The following ATP6V1E1 variants were observed in gnomAD, a reference collection of about 807,000 sequenced individuals.
ATP6V1E1 encodes ATPase H+ transporting V1 subunit E1, also known as V-type proton ATPase subunit E 1.
ATP6V1E1 carries 21 observed loss-of-function variants against 35.2 expected under a neutral mutation model. The observed-to-expected ratio is 0.60, with a 90% CI of 0.42 to 0.86. ATP6V1E1 has a LOEUF of 0.86. ATP6V1E1 is among the 40% of genes least tolerant of loss of function. The probability of loss-of-function intolerance (pLI) is 0.00; values close to 1 mark genes in which losing one functional copy is unlikely to be tolerated. For missense variants in ATP6V1E1, 183 were observed against 272.6 expected, an observed-to-expected ratio of 0.67 and a Z score of 2.32; for synonymous variants, 83 against 87.8, an observed-to-expected ratio of 0.95 and a Z score of 0.30.
intron 4 of ATP6V1E1, among the ~76,000 whole-genome samples, chr22:17,609,042 G>A (rs2146305341): frequency 6.6e-6 from 1 of 152,000 alleles, no homozygotes; most frequent in East Asian, 1.9e-4. Flanking sequence ...AGCTGATATC[G>A]CGCCACTGCC....
At chr22:17,618,010 A>G (rs2057855401) in intron 2 of ATP6V1E1, among the ~76,000 whole-genome samples, 1 of 151,978 alleles carries the variant, frequency 6.6e-6, no homozygotes. Flanking sequence ...GGGTTTCACC[A>G]TGTTGGCCAG....
intron 1 of ATP6V1E1, among the ~76,000 whole-genome samples, chr22:17,625,659 A>G (rs772598184): frequency 3.0e-4 from 46 of 152,006 alleles, no homozygotes; most frequent in Non-Finnish European, 4.3e-4. Context: ...AGTACTTCAG[A>G]AAAAAAAGGA....
At chr22:17,611,827 C>T (rs2057817059) in intron 4 of ATP6V1E1, among the ~76,000 whole-genome samples, 1 of 152,190 alleles carries the variant, frequency 6.6e-6, no homozygotes, top group African/African-American at 2.4e-5. Flanking sequence ...TTAATAAGAA[C>T]TGACAACTTG....
chr22:17,613,899 A>G (rs5746443), intron 2 of ATP6V1E1, among the ~76,000 whole-genome samples: 63,606 of 152,064 alleles, frequency 0.42, 15,137 homozygotes, highest in African/African-American at 0.65. Context: ...CCCGGGAGGC[A>G]GAGCTTGCAG....
intron 2 of ATP6V1E1, chr22:17,619,137 C>T (rs762510894): frequency 3.2e-5 from 14 of 443,522 alleles, no homozygotes; most frequent in Non-Finnish European, 4.8e-5. Context: ...ACTAAAAATA[C>T]AAATATTAGC....
Position 17,594,588 on chromosome 22 carries a change from C to A in ATP6V1E1, c.559G>T (p.Asp187Tyr). 1 of 1,594,114 alleles carries A rather than the reference C, an allele frequency of 6.3e-7. No homozygotes were observed. Among genetic ancestry groups the A allele is most frequent in the Non-Finnish European group, 8.5e-7 (1 of 1,170,902 alleles). Reference protein sequence around the residue: ...IAGGVEIYNGDRKIKVSNTLE... With the variant: ...IAGGVEIYNGYRKIKVSNTLE... The stretch of plus-strand genomic sequence containing the variant: ...GTGTTGGAAACCTTTATTTTACGAT[C>A]TCCATTATAGATCTCAACTCCACCA... The change falls in exon 8 of 9, where the codon GAT (aspartate) becomes TAT (tyrosine). Residue 187 changes from aspartate to tyrosine, a missense_variant. Transcript: ENST00000253413.
At chr22:17,617,533 A>G (rs1236530064) in intron 2 of ATP6V1E1, among the ~76,000 whole-genome samples, 3 of 152,026 alleles carry the variant, frequency 2.0e-5, no homozygotes, top group African/African-American at 7.2e-5. Context: ...ACCTCAGGTG[A>G]TCCACTTGTG....
At chr22:17,624,381 C>T (rs368844059) in intron 1 of ATP6V1E1, among the ~76,000 whole-genome samples, 2 of 152,090 alleles carry the variant, frequency 1.3e-5, no homozygotes, top group African/African-American at 4.8e-5. Context: ...TGGTGAAACC[C>T]CATCTCTACT....
At chr22:17,626,176 G>A (rs2057903534) in intron 1 of ATP6V1E1, among the ~76,000 whole-genome samples, 2 of 151,782 alleles carry the variant, frequency 1.3e-5, no homozygotes, top group African/African-American at 2.4e-5. Context: ...GCGTGGTGGC[G>A]GGCGCCTGTA....
Position 17,592,344 on chromosome 22 carries a change from C to A in ATP6V1E1, c.*330G>T, listed in dbSNP as rs1219277832. 3.2e-6 allele frequency: 1 copy of A among 311,328 alleles called. No individual in the cohort carries two copies. The highest frequency in any genetic ancestry group is 6.7e-5 in the East Asian group (1 of 14,996). The allele number at this position is 311,328 out of a possible 1,614,324, so 19.3% of individuals were successfully genotyped here. Reference sequence around the variant, plus strand: ...AGAGTGGGGACTGCAGGGCCAAACACCAAATACATCACCTTTAGGCCAGAC... The same window carrying A: ...AGAGTGGGGACTGCAGGGCCAAACAACAAATACATCACCTTTAGGCCAGAC... On this transcript the variant is annotated 3_prime_UTR_variant, in exon 9 of 9. Transcript: ENST00000253413.
rs2057709589 is a variant in ATP6V1E1 at position 17,592,714 on chromosome 22, G to C, written c.641C>G (p.Ala214Gly). The C allele has an allele frequency of 1.2e-6, 2 of 1,613,840 alleles. No individual in the cohort carries two copies. Among genetic ancestry groups the C allele is most frequent in the African/African-American group, 1.3e-5 (1 of 74,842 alleles). ...CCTGTTGGCATTTGCACCAAACAAGGCTCCCCGGACTTCTGGCATCATCTG... is the reference window on the plus strand; with the variant it reads ...CCTGTTGGCATTTGCACCAAACAAGCCTCCCCGGACTTCTGGCATCATCTG... ...AQQMMPEVRGALFGANANRKF... is the reference protein window; with the variant it reads ...AQQMMPEVRGGLFGANANRKF... Residue 214 changes from alanine (A) to glycine (G), a missense_variant, in exon 9 of 9, where the codon GCC becomes GGC. Transcript: ENST00000253413.
At chr22:17,610,223 C>T (rs926311300) in intron 4 of ATP6V1E1, among the ~76,000 whole-genome samples, 3 of 151,728 alleles carry the variant, frequency 2.0e-5, no homozygotes, top group Non-Finnish European at 4.4e-5. Context: ...ACGTTAATTA[C>T]GTTTTTTAAA....
At chr22:17,628,156 G>A (rs2146324773) in intron 1 of ATP6V1E1, among the ~76,000 whole-genome samples, 1 of 152,060 alleles carries the variant, frequency 6.6e-6, no homozygotes, top group South Asian at 2.1e-4. Context: ...GTAGAGACCG[G>A]GGTTTCACCA....
intron 8 of ATP6V1E1, 73 bp downstream of exon 8, chr22:17,594,456 G>A (rs1246725693): frequency 1.7e-6 from 2 of 1,170,534 alleles, no homozygotes; most frequent in Non-Finnish European, 2.3e-6. Context: ...AAATACCAGT[G>A]AATGGACACG....
intron 4 of ATP6V1E1, among the ~76,000 whole-genome samples, chr22:17,601,844 TGA>T (rs2057763632): frequency 6.6e-6 from 1 of 152,232 alleles, no homozygotes; most frequent in Non-Finnish European, 1.5e-5. Context: ...TGACCTCAGG[TGA>T]TCCGCCTGCC....
chr22:17,614,968 AT>A (rs986633624), intron 2 of ATP6V1E1, among the ~76,000 whole-genome samples: 5 of 150,848 alleles, frequency 3.3e-5, no homozygotes, highest in Non-Finnish European at 5.9e-5. Flanking sequence ...AAAAAAAAAA[AT>A]TTTTTTTCCC....
intron 2 of ATP6V1E1, chr22:17,619,185 G>A (rs534629303): frequency 4.5e-5 from 21 of 468,806 alleles, no homozygotes; most frequent in Non-Finnish European, 7.1e-5. Flanking sequence ...TCAGCTACTC[G>A]GGAGGCTGAG....
At chr22:17,598,453 C>T (rs2057744582) in intron 6 of ATP6V1E1, among the ~76,000 whole-genome samples, 165 bp from the exon 7 acceptor site, 1 of 152,144 alleles carries the variant, frequency 6.6e-6, no homozygotes, top group Admixed American at 6.5e-5. Context: ...GGAGAAATGA[C>T]AGTCTGCACA....
At chr22:17,601,369 C>T (rs1272305475) in intron 4 of ATP6V1E1, among the ~76,000 whole-genome samples, 188 bp from the exon 5 acceptor site, 2 of 152,140 alleles carry the variant, frequency 1.3e-5, no homozygotes, top group Admixed American at 6.6e-5. Flanking sequence ...CATGTAACAC[C>T]GTCTCTGCTC....
Sources: allele counts gnomAD v4.1 joint callset (sites outside exome capture counted in the v4.1 genomes callset), GRCh38; gene constraint gnomAD v4.1.1; transcripts MANE v1.5; gene names NCBI Gene and HGNC (gene_info 2026-07-23, HGNC 2026-07-21).